Variants in UBE2D2 observed in about 807,000 individuals in gnomAD.
UBE2D2 encodes the protein ubiquitin-conjugating enzyme E2 D2.
Under a neutral mutation model 24.2 loss-of-function variants are expected in UBE2D2, and 2 were observed. The observed-to-expected ratio is 0.08, with a 90% CI of 0.03 to 0.26. The LOEUF is 0.26. Among genes scored for constraint, UBE2D2 ranks in the 10% least tolerant of loss-of-function variants. UBE2D2 has a pLI of 1.00. For synonymous variants in UBE2D2, 58 were observed against 56.5 expected (o/e 1.03, Z -0.12); for missense variants, 44 against 177.6 (o/e 0.25, Z 4.28).
chr5:139,573,137 T>C (rs1753390249), intron 1 of UBE2D2, among the ~76,000 whole-genome samples: 1 of 151,386 alleles, frequency 6.6e-6, no homozygotes, highest in Non-Finnish European at 1.5e-5. Context: ...CCATCTCCAC[T>C]AAAAATACAA....
At chr5:139,534,661 G>A (rs1246392908) in intron 1 of UBE2D2, among the ~76,000 whole-genome samples, 1 of 151,718 alleles carries the variant, frequency 6.6e-6, no homozygotes, top group Non-Finnish European at 1.5e-5. Flanking sequence ...GCTTGAACCT[G>A]TGAGGCTGAG....
intron 1 of UBE2D2, among the ~76,000 whole-genome samples, chr5:139,549,873 T>C (rs1265881819): frequency 6.6e-6 from 1 of 152,234 alleles, no homozygotes. Flanking sequence ...CAATCAGCAC[T>C]CTGTGTCTAG....
At chr5:139,542,777 A>G (rs757686425) in intron 1 of UBE2D2, among the ~76,000 whole-genome samples, 48 of 152,244 alleles carry the variant, frequency 3.2e-4, no homozygotes, top group Non-Finnish European at 5.1e-4. Context: ...AGACTTAAAA[A>G]GGAAATAAAT....
chr5:139,534,148 A>G (rs1752633309), intron 1 of UBE2D2, among the ~76,000 whole-genome samples: 2 of 151,588 alleles, frequency 1.3e-5, no homozygotes. Context: ...GAAATTTATT[A>G]CAGGCCAGGC....
At chr5:139,596,637 A>G (rs928430258) in intron 1 of UBE2D2, among the ~76,000 whole-genome samples, 6 of 152,008 alleles carry the variant, frequency 3.9e-5, no homozygotes, top group Admixed American at 1.3e-4. Flanking sequence ...ACTGTGGCTC[A>G]CACCTGTAAT....
intron 1 of UBE2D2, among the ~76,000 whole-genome samples, chr5:139,587,949 G>A (rs748009488): frequency 4.6e-5 from 7 of 152,060 alleles, no homozygotes; most frequent in African/African-American, 7.2e-5. Flanking sequence ...TGCGAGCCCC[G>A]TATTTAAAGG....
Position 139,623,352 on chromosome 5 carries a change from A to AT in UBE2D2, c.305-9dup, listed in dbSNP as rs1285678470. ...CTTTGATCCTCTGCTAATTTATATG[A>AT]TTTTTTTCATTCTAGTACTCTTGTC... On this transcript the variant is annotated splice_polypyrimidine_tract_variant and intron_variant, in intron 5 of 6. Transcript: ENST00000398733. 2.6e-6 allele frequency: 4 copies of AT among 1,557,042 alleles called. No individual in the cohort carries two copies. The highest frequency in any genetic ancestry group is 2.6e-6 in the Non-Finnish European group (3 of 1,139,872).
At chr5:139,581,078 G>A (rs751543386) in intron 1 of UBE2D2, among the ~76,000 whole-genome samples, 1 of 152,000 alleles carries the variant, frequency 6.6e-6, no homozygotes, top group African/African-American at 2.4e-5. Context: ...GGTGGATGTG[G>A]GGGAGGAGAG....
chr5:139,594,463 G>T (rs1753917736), intron 1 of UBE2D2, among the ~76,000 whole-genome samples: 1 of 151,822 alleles, frequency 6.6e-6, no homozygotes, highest in Non-Finnish European at 1.5e-5. Flanking sequence ...GCCCAGGCTG[G>T]AGTGCAGTGG....
chr5:139,566,636 C>T (rs1753226311), intron 1 of UBE2D2, among the ~76,000 whole-genome samples: 1 of 152,128 alleles, frequency 6.6e-6, no homozygotes, highest in African/African-American at 2.4e-5. Flanking sequence ...GATCAAGCCG[C>T]TACACTCCAG....
At chr5:139,603,602 A>G (rs1178415757) in intron 2 of UBE2D2, among the ~76,000 whole-genome samples, 2 of 136,736 alleles carry the variant, frequency 1.5e-5, no homozygotes, top group Non-Finnish European at 3.1e-5. Context: ...AGCCTGGGTG[A>G]CAGAGTGAGA....
chr5:139,608,075 C>T (rs1313764051), intron 2 of UBE2D2, among the ~76,000 whole-genome samples: 3 of 151,634 alleles, frequency 2.0e-5, no homozygotes, highest in African/African-American at 7.3e-5. Context: ...CTTTTTGTAG[C>T]GTGGGTATGA....
At chr5:139,556,774 T>G (rs948537269), upstream of UBE2D2, among the ~76,000 whole-genome samples, 1 of 150,908 alleles carries the variant, frequency 6.6e-6, no homozygotes, top group African/African-American at 2.4e-5. Flanking sequence ...ACAAATTCCT[T>G]GAAAAACACA....
chr5:139,549,874 C>CT (rs1561499049), intron 1 of UBE2D2, among the ~76,000 whole-genome samples: 1 of 152,240 alleles, frequency 6.6e-6, no homozygotes, highest in Non-Finnish European at 1.5e-5. Context: ...AATCAGCACT[C>CT]TGTGTCTAGC....
intron 1 of UBE2D2, among the ~76,000 whole-genome samples, chr5:139,579,084 C>T (rs1191371326): frequency 1.3e-5 from 2 of 152,236 alleles, no homozygotes. Context: ...TCTCCTGCCT[C>T]AGCCTCCTGG....
intron 6 of UBE2D2, among the ~76,000 whole-genome samples, chr5:139,624,904 G>C (rs356427): frequency 0.081 from 12,379 of 152,214 alleles, 614 homozygotes; most frequent in African/African-American, 0.12. Flanking sequence ...TGAATTTATT[G>C]TCAAATTTTT....
chr5:139,531,820 A>C (rs1298110429), intron 1 of UBE2D2, among the ~76,000 whole-genome samples: 1 of 151,784 alleles, frequency 6.6e-6, no homozygotes, highest in African/African-American at 2.4e-5. Context: ...AAACAAAAAC[A>C]AAAACAAAAA....
chr5:139,546,817 T>TCTTCCTTCCTTC (rs59929319), intron 1 of UBE2D2, among the ~76,000 whole-genome samples: 31 of 138,302 alleles, frequency 2.2e-4, no homozygotes, highest in African/African-American at 5.9e-4. Flanking sequence ...CTTCTTTCTT[T>TCTTCCTTCCTTC]CTTCCTTCCT....
chr5:139,537,114 C>T (rs1752693618), intron 1 of UBE2D2, among the ~76,000 whole-genome samples: 1 of 150,230 alleles, frequency 6.7e-6, no homozygotes, highest in Admixed American at 6.7e-5. Flanking sequence ...ACCCGGGAGG[C>T]GGTGCTTGCA....
Sources: gnomAD v4.1 joint callset for allele counts (sites outside exome capture counted in the v4.1 genomes callset) on GRCh38, gnomAD v4.1.1 for gene constraint, MANE v1.5 for transcripts, NCBI Gene and HGNC (gene_info 2026-07-23, HGNC 2026-07-21) for gene names.